The following CNTN4 variants were observed in gnomAD, a reference collection of about 807,000 sequenced individuals.
The protein encoded by CNTN4 is contactin 4.
CNTN4 carries 77 observed loss-of-function variants against 122.5 expected under a neutral mutation model. The observed-to-expected ratio is 0.63, with a 90% CI of 0.52 to 0.76. CNTN4 has a LOEUF of 0.76. Among genes scored for constraint, CNTN4 ranks in the 30% least tolerant of loss-of-function variants. The probability of loss-of-function intolerance (pLI) is 0.00; values close to 1 mark genes in which losing one functional copy is unlikely to be tolerated. For missense variants in CNTN4, 1,256 were observed against 1,259.1 expected (o/e 1.00, Z 0.04); for synonymous variants, 512 against 447.0 (o/e 1.15, Z -1.83).
chr3:2,451,641 C>T (rs1430743458), intron 3 of CNTN4, among the ~76,000 whole-genome samples: 2 of 152,004 alleles, frequency 1.3e-5, no homozygotes, highest in South Asian at 2.1e-4. Flanking sequence ...GTTATCCTCA[C>T]GATAGTTTAA....
rs541284684 is a variant in CNTN4 at position 2,707,793 on chromosome 3, C to T, written c.56-28422C>T. Among the ~76,000 whole-genome samples the T allele has an allele frequency of 2.6e-5, 4 of 152,142 alleles. No individual in the cohort carries two copies. The East Asian group carries it at 7.7e-4, about 29-fold the overall frequency. On this transcript the variant is annotated intron_variant, in intron 4 of 24. Coordinates refer to ENST00000418658, the MANE Select transcript of CNTN4 (RefSeq NM_175607.3). ...CTAAGTGCTGCACATACCACCACAC[C>T]TGGCTCTGTTTGATACATTTAAATA...
At position 3,042,276 on chromosome 3, in the gene CNTN4, A is replaced by T. The variant is rs910582907; in HGVS notation, c.2399-34A>T. 1.4e-5 allele frequency: 19 copies of T among 1,377,662 alleles called. No individual in the cohort carries two copies. In the East Asian group the frequency reaches 3.9e-4, roughly 28 times the overall value. 85.3% of individuals were successfully genotyped at this position (1,377,662 alleles called of 1,614,324 possible). On this transcript the variant is annotated intron_variant, in intron 20 of 24. Coordinates refer to ENST00000418658, the MANE Select transcript of CNTN4 (RefSeq NM_175607.3). ...CTACAATCCTGTCCTAATATAGCTG[A>T]TAGAGTAATAACTATCTCCATATTC...
At position 2,521,357 on chromosome 3, in the gene CNTN4, C is replaced by CCG. The variant is rs10663515; in HGVS notation, c.-88-50059_-88-50058insCG. ...ACCTCTACCCATCCCCCCCACCCCC[C>CCG]GCAATAAGTCACTCATTTCTCAGGT... On this transcript the variant is annotated intron_variant, in intron 3 of 24. Transcript: ENST00000418658. Among the ~76,000 whole-genome samples the CCG allele has an allele frequency of 5.0e-3, 736 of 147,814 alleles. 17 individuals are homozygous for CCG. The highest frequency in any genetic ancestry group is 0.018 in the African/African-American group (696 of 39,326).
At chr3:2,749,221 T>G (rs2089965087) in intron 6 of CNTN4, among the ~76,000 whole-genome samples, 1 of 152,134 alleles carries the variant, frequency 6.6e-6, no homozygotes, top group Admixed American at 6.5e-5. Flanking sequence ...TGGAGTGCAG[T>G]GGTGCGACCT....
intron 2 of CNTN4, among the ~76,000 whole-genome samples, chr3:2,167,244 C>T (rs1383299067): frequency 6.6e-6 from 1 of 151,978 alleles, no homozygotes; most frequent in African/African-American, 2.4e-5. Flanking sequence ...ATCTGCAGCT[C>T]TTGGCATGAT....
At chr3:2,165,490 A>G (rs2149201888) in intron 2 of CNTN4, among the ~76,000 whole-genome samples, 1 of 151,904 alleles carries the variant, frequency 6.6e-6, no homozygotes, top group South Asian at 2.1e-4. Flanking sequence ...GTTAGTTAAC[A>G]TCTTCATCAC....
Position 2,565,940 on chromosome 3 carries a change from A to G in CNTN4, c.-88-5476A>G, listed in dbSNP as rs74836981. 2.2e-3 allele frequency among the ~76,000 whole-genome samples: 328 copies of G among 152,344 alleles called. 1 individual carries two copies. The highest frequency in any genetic ancestry group is 7.2e-3 in the African/African-American group (300 of 41,574). On this transcript the variant is annotated intron_variant, in intron 3 of 24. Coordinates refer to ENST00000418658, the MANE Select transcript of CNTN4 (RefSeq NM_175607.3). ...GTAGCACTCTAAATAATAACTAGCA[A>G]GAAAGCAAATGTTTATGTTGTTCTT... is the stretch of plus-strand genomic sequence containing the variant.
intron 3 of CNTN4, among the ~76,000 whole-genome samples, chr3:2,467,372 T>A (rs1270197646): frequency 6.6e-6 from 1 of 152,200 alleles, no homozygotes; most frequent in Non-Finnish European, 1.5e-5. Context: ...GGACAGTTAT[T>A]AACTCTACTT....
Position 2,385,620 on chromosome 3 carries a change from G to C in CNTN4, c.-89+46387G>C, listed in dbSNP as rs545767784. The stretch of plus-strand genomic sequence containing the variant: ...GGGTCGCATCTCTCAGCTTCTGTTA[G>C]CCCCAGTTGTTCTGCAGCTTGTGGG... On this transcript the variant is annotated intron_variant, in intron 3 of 24. Coordinates refer to ENST00000418658, the MANE Select transcript of CNTN4 (RefSeq NM_175607.3). The surrounding 1 kb of genome is among the most constrained non-coding windows in gnomAD (Gnocchi z 4.0). 1.3e-5 allele frequency among the ~76,000 whole-genome samples: 2 copies of C among 151,990 alleles called. No homozygotes were observed. The highest frequency in any genetic ancestry group is 2.9e-5 in the Non-Finnish European group (2 of 68,024).
chr3:2,419,574 A>G (rs2047541405), intron 3 of CNTN4, among the ~76,000 whole-genome samples: 1 of 152,198 alleles, frequency 6.6e-6, no homozygotes, highest in Non-Finnish European at 1.5e-5. Flanking sequence ...GAAGTCTGCA[A>G]CTAAAAGATA....
chr3:2,211,704 T>G (rs2038626893), intron 2 of CNTN4, among the ~76,000 whole-genome samples: 1 of 152,140 alleles, frequency 6.6e-6, no homozygotes, highest in Non-Finnish European at 1.5e-5. Flanking sequence ...TAGTTTAAAA[T>G]TTTGAAATCT....
At chr3:2,703,015 A>C (rs1008275231) in intron 4 of CNTN4, among the ~76,000 whole-genome samples, 1 of 152,198 alleles carries the variant, frequency 6.6e-6, no homozygotes, top group African/African-American at 2.4e-5. Context: ...TAAGTTTTCA[A>C]ATGAAATGGG....
At chr3:2,678,410 T>C (rs2084986629) in intron 4 of CNTN4, among the ~76,000 whole-genome samples, 2 of 152,312 alleles carry the variant, frequency 1.3e-5, no homozygotes, top group Middle Eastern at 6.8e-3. Flanking sequence ...TTCGACTTTA[T>C]CTTACTAGGT....
chr3:2,393,382 G>A (rs983101451), intron 3 of CNTN4, among the ~76,000 whole-genome samples: 11 of 152,216 alleles, frequency 7.2e-5, no homozygotes, highest in East Asian at 1.9e-4. Context: ...AATTTAATGC[G>A]TGACACTCAT....
intron 23 of CNTN4, among the ~76,000 whole-genome samples, chr3:3,049,637 T>C (rs1295555788): frequency 6.6e-6 from 1 of 151,800 alleles, no homozygotes; most frequent in Non-Finnish European, 1.5e-5. Context: ...GTGAGGGGAA[T>C]AGAGAAAGCC....
chr3:2,442,058 G>A (rs890593554), intron 3 of CNTN4, among the ~76,000 whole-genome samples: 2 of 151,838 alleles, frequency 1.3e-5, no homozygotes, highest in Non-Finnish European at 2.9e-5. Context: ...AACCACCAGG[G>A]GATTTAACTG....
intron 4 of CNTN4, among the ~76,000 whole-genome samples, chr3:2,698,448 A>G (rs947075530): frequency 2.0e-5 from 3 of 152,148 alleles, no homozygotes; most frequent in African/African-American, 7.2e-5. Flanking sequence ...CCGTAATCTA[A>G]GGGTCTAGAG....
At chr3:2,823,867 C>G (rs2092929364) in intron 7 of CNTN4, among the ~76,000 whole-genome samples, 1 of 152,124 alleles carries the variant, frequency 6.6e-6, no homozygotes, top group Non-Finnish European at 1.5e-5. Context: ...GGTCCAAGCA[C>G]CAGCAGCATT....
rs1005095838 is a variant in CNTN4 at position 2,983,171 on chromosome 3, A to G, written c.1359-5174A>G. ...GGAGCTTGCAGTGAGCCGAGATCGC[A>G]GCACTGCACTCCAGCCTGGGTGACA... On this transcript the variant is annotated intron_variant, in intron 13 of 24. Transcript: ENST00000418658. Among the ~76,000 whole-genome samples the G allele has an allele frequency of 6.3e-5, 8 of 127,636 alleles. No homozygotes were observed. In the South Asian group the frequency reaches 1.1e-3, roughly 18 times the overall value. The allele number at this position is 127,636 out of a possible 152,430, so 83.7% of individuals were successfully genotyped here. A position where few individuals can be genotyped will look rare whatever the true frequency, so the allele number is the denominator to read the frequency against.
Sources: allele counts gnomAD v4.1 joint callset (sites outside exome capture counted in the v4.1 genomes callset), GRCh38; gene constraint gnomAD v4.1.1; non-coding constraint Gnocchi (gnomAD v3.1); transcripts MANE v1.5; gene names NCBI Gene and HGNC (gene_info 2026-07-23, HGNC 2026-07-21).